The following VPS13B variants were observed in gnomAD, a reference collection of about 807,000 sequenced individuals.
The protein encoded by VPS13B is vacuolar protein sorting 13 homolog B.
Under a neutral mutation model 426.4 loss-of-function variants are expected in VPS13B, and 285 were observed. That is an observed-to-expected ratio of 0.67 (90% CI 0.61 to 0.74). The LOEUF is 0.74. Among genes scored for constraint, VPS13B ranks in the 30% least tolerant of loss-of-function variants. The probability of loss-of-function intolerance (pLI) is 0.00; values close to 1 mark genes in which losing one functional copy is unlikely to be tolerated. For missense variants in VPS13B, 4,537 were observed against 4,782.6 expected (o/e 0.95, Z 1.51); for synonymous variants, 1,676 against 1,676.4 (o/e 1.00, Z 0.01).
intron 30 of VPS13B, among the ~76,000 whole-genome samples, chr8:99,554,156 T>C (rs934815794): frequency 3.3e-5 from 5 of 152,136 alleles, no homozygotes; most frequent in African/African-American, 1.2e-4. Flanking sequence ...GGAAATCGGT[T>C]GTTTACATTG....
At chr8:99,650,296 A>G (rs965395147) in intron 34 of VPS13B, among the ~76,000 whole-genome samples, 3 of 152,176 alleles carry the variant, frequency 2.0e-5, no homozygotes, top group African/African-American at 7.2e-5. Context: ...GCACACACTC[A>G]GAGGGCAGCA....
intron 19 of VPS13B, among the ~76,000 whole-genome samples, chr8:99,380,994 C>T (rs568450921): frequency 2.0e-5 from 3 of 151,812 alleles, no homozygotes; most frequent in Admixed American, 2.0e-4. Flanking sequence ...TATTACCACC[C>T]AGGTACTAAA....
At chr8:99,753,483 G>A (rs1810495630) in intron 39 of VPS13B, among the ~76,000 whole-genome samples, 1 of 152,168 alleles carries the variant, frequency 6.6e-6, no homozygotes, top group African/African-American at 2.4e-5. Context: ...AGAGTTTGTA[G>A]TCTCATTAAA....
At chr8:99,085,929 G>T (rs1845756152) in intron 3 of VPS13B, among the ~76,000 whole-genome samples, 1 of 151,986 alleles carries the variant, frequency 6.6e-6, no homozygotes, top group African/African-American at 2.4e-5. Context: ...ATGTGTCTTG[G>T]AGCAACAATT....
intron 17 of VPS13B, chr8:99,234,338 G>A: frequency 1.3e-6 from 1 of 750,106 alleles, no homozygotes; most frequent in South Asian, 1.4e-5. Context: ...AGCCAAAGGT[G>A]CATCCAACAT....
chr8:99,070,777 CATT>C (rs1174776818), intron 3 of VPS13B, among the ~76,000 whole-genome samples: 19 of 151,870 alleles, frequency 1.3e-4, no homozygotes, highest in Non-Finnish European at 4.4e-5. Context: ...TTCAGTCTTC[CATT>C]ATTCTTTTTT....
chr8:99,048,066 C>T lies in VPS13B; in HGVS notation c.291+9500C>T, dbSNP rs150259319. Among the ~76,000 whole-genome samples the T allele has an allele frequency of 7.2e-5, 11 of 152,178 alleles. No homozygotes were observed. The East Asian group carries it at 1.2e-3, about 16-fold the overall frequency. ...GTCGTGTCACAATTGTCATTCAGTT[C>T]GAAGAAATTTTTAATTTCCATATTG... On this transcript the variant is annotated intron_variant, in intron 3 of 61. Coordinates refer to ENST00000357162, the MANE Select transcript of VPS13B (RefSeq NM_152564.5).
chr8:99,285,645 G>C (rs1451463934), intron 19 of VPS13B, among the ~76,000 whole-genome samples: 1 of 152,042 alleles, frequency 6.6e-6, no homozygotes, highest in African/African-American at 2.4e-5. Context: ...GCAACTCATA[G>C]CTTTTGTGTT....
chr8:99,085,369 C>T (rs919958052), intron 3 of VPS13B, among the ~76,000 whole-genome samples: 4 of 152,126 alleles, frequency 2.6e-5, no homozygotes, highest in Admixed American at 6.6e-5. Flanking sequence ...GATGGGTTTC[C>T]TGAATACAGC....
chr8:99,157,549 T>C (rs976844774), intron 15 of VPS13B, among the ~76,000 whole-genome samples: 1 of 152,170 alleles, frequency 6.6e-6, no homozygotes, highest in Non-Finnish European at 1.5e-5. Context: ...GGTCCTCCAC[T>C]GACCAGTTCC....
At chr8:99,113,780 G>T (rs997000917) in intron 6 of VPS13B, among the ~76,000 whole-genome samples, 5 of 151,440 alleles carry the variant, frequency 3.3e-5, no homozygotes, top group Non-Finnish European at 7.4e-5. Context: ...GGCCAGGCTG[G>T]TCTCAAACTC....
At chr8:99,835,780 G>C (rs1815360076) in intron 54 of VPS13B, 42 bp downstream of exon 54, 1 of 1,604,614 alleles carries the variant, frequency 6.2e-7, no homozygotes, top group African/African-American at 1.3e-5. Flanking sequence ...AAAGAAAAAT[G>C]CCCTTTTCTG....
intron 33 of VPS13B, among the ~76,000 whole-genome samples, chr8:99,600,055 A>G (rs1321535674): frequency 6.6e-6 from 1 of 152,134 alleles, no homozygotes; most frequent in Non-Finnish European, 1.5e-5. Context: ...ACCTAGCTTT[A>G]AAAATTGTTG....
chr8:99,113,587 G>A (rs916030555), intron 6 of VPS13B, among the ~76,000 whole-genome samples: 32 of 151,664 alleles, frequency 2.1e-4, no homozygotes, highest in Admixed American at 1.3e-4. Flanking sequence ...TTTTTGAGAC[G>A]GAGTCTTGCT....
chr8:99,738,622 T>C (rs966179992), intron 39 of VPS13B, among the ~76,000 whole-genome samples: 14 of 152,244 alleles, frequency 9.2e-5, no homozygotes, highest in African/African-American at 3.4e-4. Context: ...TGACTCCTTC[T>C]ACACATACAA....
chr8:99,275,781 C>G (rs1156499992), intron 19 of VPS13B, among the ~76,000 whole-genome samples: 3 of 151,992 alleles, frequency 2.0e-5, no homozygotes, highest in Non-Finnish European at 4.4e-5. Flanking sequence ...AGCTATACCT[C>G]TCATGTTGAG....
At chr8:99,504,596 A>G (rs1821401134) in intron 27 of VPS13B, among the ~76,000 whole-genome samples, 2 of 152,036 alleles carry the variant, frequency 1.3e-5, no homozygotes, top group Non-Finnish European at 2.9e-5. Flanking sequence ...TTTTCTACAC[A>G]AGCAGTCGTT....
intron 17 of VPS13B, among the ~76,000 whole-genome samples, chr8:99,200,593 A>G (rs145906440): frequency 1.4e-4 from 22 of 152,104 alleles, no homozygotes; most frequent in South Asian, 4.1e-4. Context: ...TCCAGCCATC[A>G]TTGTAGGTGT....
At chr8:99,401,156 T>C (rs763577908) in intron 21 of VPS13B, among the ~76,000 whole-genome samples, 1 of 152,218 alleles carries the variant, frequency 6.6e-6, no homozygotes, top group Non-Finnish European at 1.5e-5. Flanking sequence ...AGGATACTTA[T>C]TTTTCAGTCC....
Sources: allele counts gnomAD v4.1 joint callset (sites outside exome capture counted in the v4.1 genomes callset), GRCh38; gene constraint gnomAD v4.1.1; transcripts MANE v1.5; gene names NCBI Gene and HGNC (gene_info 2026-07-23, HGNC 2026-07-21).